SLC44A5: variants seen among roughly 807,000 people sequenced by gnomAD.
The protein encoded by SLC44A5 is choline transporter-like protein 5.
Under a neutral mutation model 101.8 loss-of-function variants are expected in SLC44A5, and 57 were observed. That is an observed-to-expected ratio of 0.56 (90% CI 0.45 to 0.70). The LOEUF is 0.70. Ranked by LOEUF, SLC44A5 falls within the 30% of genes least tolerant of loss-of-function variation. SLC44A5 has a pLI of 0.00. For missense variants in SLC44A5, 737 were observed against 853.1 expected, an observed-to-expected ratio of 0.86 and a Z score of 1.70; for synonymous variants, 281 against 290.9, an observed-to-expected ratio of 0.97 and a Z score of 0.35.
chr1:75,247,143 A>C (rs1003059454), intron 7 of SLC44A5, among the ~76,000 whole-genome samples: 1 of 152,054 alleles, frequency 6.6e-6, no homozygotes, highest in Non-Finnish European at 1.5e-5. Flanking sequence ...AGATCCTTGA[A>C]CTAATCTAAA....
intron 3 of SLC44A5, chr1:75,353,996 C>G (rs1368947642): frequency 5.6e-6 from 2 of 357,922 alleles, no homozygotes; most frequent in South Asian, 4.4e-5. Flanking sequence ...ACTTGAAGGC[C>G]TGCAAATTAA....
chr1:75,650,611 A>G, the SLC44A5 span, among the ~76,000 whole-genome samples: 1 of 152,252 alleles, frequency 6.6e-6, no homozygotes, highest in Non-Finnish European at 1.5e-5. Context: ...GCCTTTAGGC[A>G]TATATGCCCT....
At chr1:75,327,629 CTATT>C (rs1416719467) in intron 4 of SLC44A5, among the ~76,000 whole-genome samples, 1 of 152,132 alleles carries the variant, frequency 6.6e-6, no homozygotes, top group Non-Finnish European at 1.5e-5. Flanking sequence ...GGTGCATACA[CTATT>C]TATATCCTAA....
At chr1:75,682,428 C>T in the SLC44A5 span, among the ~76,000 whole-genome samples, 3 of 151,724 alleles carry the variant, frequency 2.0e-5, no homozygotes, top group African/African-American at 2.4e-5. Flanking sequence ...TGGAACAGAA[C>T]AGAGCCCTCA....
chr1:75,545,947 C>A (rs905627085), intron 1 of SLC44A5, among the ~76,000 whole-genome samples: 5 of 151,924 alleles, frequency 3.3e-5, no homozygotes, highest in Non-Finnish European at 5.9e-5. Flanking sequence ...CCCAACTCAA[C>A]CTCCCAAGTA....
intron 2 of SLC44A5, among the ~76,000 whole-genome samples, chr1:75,476,038 C>T (rs1456464701): frequency 1.3e-5 from 2 of 152,114 alleles, no homozygotes; most frequent in Admixed American, 1.3e-4. Flanking sequence ...CAAAAATTAG[C>T]TGGGAATGGT....
intron 4 of SLC44A5, among the ~76,000 whole-genome samples, chr1:75,301,027 TTTC>T (rs938151503): frequency 3.9e-5 from 6 of 152,136 alleles, no homozygotes; most frequent in Non-Finnish European, 7.4e-5. Flanking sequence ...ATTTTATGAT[TTTC>T]TTCTTCATGC....
At chr1:75,359,781 T>C (rs1659354060) in intron 3 of SLC44A5, among the ~76,000 whole-genome samples, 1 of 152,162 alleles carries the variant, frequency 6.6e-6, no homozygotes, top group Admixed American at 6.6e-5. Flanking sequence ...CAATTTACAT[T>C]CTCACCAACG....
intron 2 of SLC44A5, among the ~76,000 whole-genome samples, chr1:75,453,838 G>C (rs1025445346): frequency 6.6e-6 from 1 of 152,060 alleles, no homozygotes; most frequent in Non-Finnish European, 1.5e-5. Flanking sequence ...ATTCTCCCAA[G>C]ATTGAATCAG....
At chr1:75,597,629 C>G (rs1008090895) in intron 1 of SLC44A5, among the ~76,000 whole-genome samples, 1 of 152,042 alleles carries the variant, frequency 6.6e-6, no homozygotes, top group Non-Finnish European at 1.5e-5. Flanking sequence ...AATAGAGAAC[C>G]TAGAAATAAG....
chr1:75,713,425 A>G, the SLC44A5 span, among the ~76,000 whole-genome samples: 1 of 152,174 alleles, frequency 6.6e-6, no homozygotes, highest in Non-Finnish European at 1.5e-5. Flanking sequence ...GGAATATATG[A>G]CTACATATAA....
intron 3 of SLC44A5, among the ~76,000 whole-genome samples, chr1:75,356,558 G>C (rs1659093874): frequency 6.6e-6 from 1 of 151,894 alleles, no homozygotes. Context: ...AAGTAAAAAA[G>C]TTACAGAAAG....
At chr1:75,582,075 G>A (rs562077943) in intron 1 of SLC44A5, 14 of 704,912 alleles carry the variant, frequency 2.0e-5, no homozygotes, top group South Asian at 1.7e-4. Flanking sequence ...CGCTTCAGGA[G>A]CCACGGGTTA....
At chr1:75,226,933 C>T (rs1647210596) in intron 13 of SLC44A5, among the ~76,000 whole-genome samples, 1 of 152,094 alleles carries the variant, frequency 6.6e-6, no homozygotes, top group South Asian at 2.1e-4. Context: ...AAATTAAAAA[C>T]CTTGAAGAAA....
At chr1:75,211,436 G>C in intron 23 of SLC44A5, 32 bp downstream of exon 23, 1 of 1,545,764 alleles carries the variant, frequency 6.5e-7, no homozygotes, top group South Asian at 1.1e-5. Flanking sequence ...GTTATCCACC[G>C]AAGGGGGAAA....
intron 1 of SLC44A5, among the ~76,000 whole-genome samples, chr1:75,573,655 A>T (rs2102045512): frequency 6.6e-6 from 1 of 152,288 alleles, no homozygotes; most frequent in African/African-American, 2.4e-5. Flanking sequence ...ATACACAGGG[A>T]GCGTAACCCA....
At chr1:75,222,493 T>C (rs754807509) in intron 13 of SLC44A5, 33 bp from the exon 14 acceptor site, 1 of 1,320,316 alleles carries the variant, frequency 7.6e-7, no homozygotes, top group South Asian at 1.2e-5. Flanking sequence ...CAGTCTGTAA[T>C]ACAAGTAGAT....
At chr1:75,222,595 C>T in intron 13 of SLC44A5, 135 bp from the exon 14 acceptor site, 1 of 564,438 alleles carries the variant, frequency 1.8e-6, no homozygotes, top group Non-Finnish European at 3.1e-6. Context: ...AGTGTTATCT[C>T]TCCAAAAATG....
the SLC44A5 span, among the ~76,000 whole-genome samples, chr1:75,674,483 G>T: frequency 2.4e-4 from 37 of 152,208 alleles, 2 homozygotes; most frequent in South Asian, 7.1e-3. Context: ...GTGTTCAAGC[G>T]ATTATCCTGC....
Sources: gnomAD v4.1 joint callset for allele counts (sites outside exome capture counted in the v4.1 genomes callset) on GRCh38, gnomAD v4.1.1 for gene constraint, MANE v1.5 for transcripts, NCBI Gene and HGNC (gene_info 2026-07-23, HGNC 2026-07-21) for gene names.